The following IL31RA variants were observed in gnomAD, a reference collection of about 807,000 sequenced individuals.
IL31RA encodes the protein interleukin 31 receptor A.
Under a neutral mutation model 83.7 loss-of-function variants are expected in IL31RA, and 66 were observed. The observed-to-expected ratio is 0.79, with a 90% confidence interval of 0.65 to 0.97. IL31RA has a LOEUF of 0.97. IL31RA is among the 50% of genes least tolerant of loss of function. The pLI, the probability that IL31RA is intolerant of heterozygous loss-of-function variation, is 0.00. For missense variants in IL31RA, 798 were observed against 919.4 expected (o/e 0.87, Z 1.71); for synonymous variants, 325 against 329.0 (o/e 0.99, Z 0.13).
chr5:55,845,030 C>T, the IL31RA span, among the ~76,000 whole-genome samples: 1 of 152,178 alleles, frequency 6.6e-6, no homozygotes, highest in African/African-American at 2.4e-5. Flanking sequence ...ACTTTTTCCA[C>T]TCACCCTTAG....
intron 13 of IL31RA, among the ~76,000 whole-genome samples, chr5:55,914,631 C>G (rs925218896): frequency 6.6e-6 from 1 of 152,130 alleles, no homozygotes; most frequent in Non-Finnish European, 1.5e-5. Flanking sequence ...TGGGGAGAGT[C>G]TCCTTTGATC....
chr5:55,867,199 TTGTG>T (rs753774052), intron 2 of IL31RA, among the ~76,000 whole-genome samples: 1 of 106,676 alleles, frequency 9.4e-6, no homozygotes, highest in African/African-American at 4.3e-5. Context: ...TTGTGTGTGT[TTGTG>T]TGTGTGCGCA....
At chr5:55,863,005 A>G (rs1012690093) in intron 2 of IL31RA, among the ~76,000 whole-genome samples, 3 of 152,248 alleles carry the variant, frequency 2.0e-5, no homozygotes, top group Admixed American at 6.5e-5. Flanking sequence ...GGAAGGCAGG[A>G]CAACAGATGT....
rs1262221153 is a variant in IL31RA at position 55,916,916 on chromosome 5, C to A, written c.2091C>A (p.Pro697=). Reference sequence around the variant, plus strand: ...TCCCAGTTTCACCTGAGATTCCGCCCAGAAAATCCCAATACCTACGTTCGA... The same window carrying A: ...TCCCAGTTTCACCTGAGATTCCGCCAAGAAAATCCCAATACCTACGTTCGA... ...EELPVSPEIP[P]RKSQYLRSRM... is the part of the protein sequence containing the mutation. Residue 697 remains proline (P), a synonymous_variant, in exon 15 of 15, where the codon CCC becomes CCA. Transcript: ENST00000652347. 6 of 1,613,944 alleles carry A rather than the reference C, an allele frequency of 3.7e-6. No individual in the cohort carries two copies. The highest frequency in any genetic ancestry group is 5.1e-6 in the Non-Finnish European group (6 of 1,179,954).
chr5:55,911,142 G>A (rs989785193), intron 12 of IL31RA, among the ~76,000 whole-genome samples: 4 of 151,976 alleles, frequency 2.6e-5, no homozygotes, highest in African/African-American at 9.7e-5. Context: ...CCACGTGGCT[G>A]GGGAAGCCTC....
intron 4 of IL31RA, among the ~76,000 whole-genome samples, chr5:55,880,452 C>T (rs1294458331): frequency 1.3e-5 from 2 of 151,744 alleles, no homozygotes; most frequent in South Asian, 2.1e-4. Context: ...AATATACACA[C>T]CAACTATGTA....
At chr5:55,867,865 A>C (rs1746283296) in intron 2 of IL31RA, among the ~76,000 whole-genome samples, 2 of 152,160 alleles carry the variant, frequency 1.3e-5, no homozygotes, top group Admixed American at 6.5e-5. Context: ...TATCATGAGA[A>C]TAGCACAGGA....
intron 4 of IL31RA, among the ~76,000 whole-genome samples, chr5:55,880,102 G>A (rs1194534917): frequency 6.6e-6 from 1 of 152,162 alleles, no homozygotes; most frequent in African/African-American, 2.4e-5. Context: ...TGGTTGAGAG[G>A]ATTCAACAAA....
At chr5:55,897,482 C>T (rs1307708079) in intron 7 of IL31RA, among the ~76,000 whole-genome samples, 2 of 152,186 alleles carry the variant, frequency 1.3e-5, no homozygotes, top group Non-Finnish European at 2.9e-5. Context: ...CCCCCCTCCC[C>T]ACCCAGCTGT....
intron 1 of IL31RA, among the ~76,000 whole-genome samples, chr5:55,856,185 C>G (rs1031389103): frequency 7.2e-5 from 11 of 152,212 alleles, no homozygotes; most frequent in Admixed American, 5.9e-4. Context: ...GCATGAGCCA[C>G]CACGCCTGGC....
At chr5:55,847,233 A>G, upstream of IL31RA, among the ~76,000 whole-genome samples, 1 of 41,552 alleles carries the variant, frequency 2.4e-5, no homozygotes, top group African/African-American at 1.1e-4. Flanking sequence ...ACAGAAAAAA[A>G]AAAAAAAATA....
At chr5:55,867,313 G>T (rs879889759) in intron 2 of IL31RA, among the ~76,000 whole-genome samples, 7,997 of 149,988 alleles carry the variant, frequency 0.053, 509 homozygotes, top group African/African-American at 0.14. Context: ...GCGTGTGTGT[G>T]TGTGCGTGTG....
intron 2 of IL31RA, among the ~76,000 whole-genome samples, chr5:55,867,223 G>GTGTGTGTTTGGTGTGTT: frequency 8.9e-6 from 1 of 112,208 alleles, no homozygotes; most frequent in South Asian, 2.6e-4. Context: ...ATGTGTGTTT[G>GTGTGTGTTTGGTGTGTT]TGTGTGTGTT....
chr5:55,881,200 G>T (rs1747192151), intron 4 of IL31RA, among the ~76,000 whole-genome samples: 1 of 151,966 alleles, frequency 6.6e-6, no homozygotes, highest in Non-Finnish European at 1.5e-5. Context: ...TACTAGGGGG[G>T]CTGAGGCAGG....
chr5:55,871,482 C>T (rs1206019457), intron 3 of IL31RA, among the ~76,000 whole-genome samples: 7 of 152,138 alleles, frequency 4.6e-5, no homozygotes, highest in Non-Finnish European at 1.0e-4. Flanking sequence ...CATCTGATTC[C>T]CACTAATATG....
chr5:55,851,544 T>G lies in IL31RA; in HGVS notation c.-27T>G. ...TGAAAATTGAGACAGGAAGGCAGAG[T>G]GTCAGCTTGTTCCACCTCAGCTGGG... On this transcript the variant is annotated 5_prime_UTR_variant, in exon 1 of 15. Transcript: ENST00000652347. The G allele has an allele frequency of 6.2e-7, 1 of 1,613,768 alleles. No homozygotes were observed. Among genetic ancestry groups the G allele is most frequent in the Non-Finnish European group, 8.5e-7 (1 of 1,179,874 alleles).
intron 1 of IL31RA, 47 bp downstream of exon 1, chr5:55,851,680 G>A (rs1334246601): frequency 1.2e-6 from 2 of 1,613,700 alleles, no homozygotes; most frequent in Admixed American, 1.7e-5. Flanking sequence ...GCAAGTAGGT[G>A]AATTCACAAA....
chr5:55,894,734 T>C (rs1256786973), intron 6 of IL31RA, among the ~76,000 whole-genome samples: 1 of 152,206 alleles, frequency 6.6e-6, no homozygotes, highest in Non-Finnish European at 1.5e-5. Context: ...AACAATTCTT[T>C]TGAGACACGA....
chr5:55,907,740 C>T (rs1168963028), intron 10 of IL31RA, among the ~76,000 whole-genome samples: 4 of 152,226 alleles, frequency 2.6e-5, no homozygotes, highest in African/African-American at 9.6e-5. Flanking sequence ...GCAAATAGAG[C>T]TGCTACCAGC....
Sources: allele counts gnomAD v4.1 joint callset (sites outside exome capture counted in the v4.1 genomes callset), GRCh38; gene constraint gnomAD v4.1.1; transcripts MANE v1.5; gene names NCBI Gene and HGNC (gene_info 2026-07-23, HGNC 2026-07-21).